Variants in ADGRL2 observed in about 807,000 individuals in gnomAD.
ADGRL2 encodes the protein calcium-independent alpha-latrotoxin receptor 2.
Under a neutral mutation model 157.4 loss-of-function variants are expected in ADGRL2, and 44 were observed. The ratio of observed to expected loss-of-function variants is 0.28; its 90% CI spans 0.22 to 0.36. The LOEUF (loss-of-function observed/expected upper bound fraction) is 0.36. ADGRL2 is among the 10% of genes least tolerant of loss of function. The pLI, the probability that ADGRL2 is intolerant of heterozygous loss-of-function variation, is 1.00. For synonymous variants in ADGRL2, 585 were observed against 624.7 expected (o/e 0.94, Z 0.95); for missense variants, 1,510 against 1,768.9 (o/e 0.85, Z 2.63).
Position 81,723,792 on chromosome 1 carries a change from G to C in ADGRL2, c.-143+23984G>C, listed in dbSNP as rs114486033. Among the ~76,000 whole-genome samples the C allele has an allele frequency of 9.5e-3, 1,447 of 152,028 alleles. 25 individuals are homozygous for C. Among genetic ancestry groups the C allele is most frequent in the African/African-American group, 0.033 (1,378 of 41,420 alleles). On this transcript the variant is annotated intron_variant, in intron 1 of 20. Transcript: ENST00000359929. ...TTTATATAACATGCATCTTTGGGCA[G>C]GTTTGCCCTTAAATCTCACCCTGTG...
intron 2 of ADGRL2, among the ~76,000 whole-genome samples, chr1:81,845,876 CTCTT>C (rs2092768906): frequency 6.6e-6 from 1 of 151,702 alleles, no homozygotes; most frequent in African/African-American, 2.4e-5. Context: ...CATTATTGCA[CTCTT>C]TCTTCTTCTT....
chr1:81,988,953 C>CT (rs920419459), intron 23 of ADGRL2, among the ~76,000 whole-genome samples: 9 of 150,204 alleles, frequency 6.0e-5, no homozygotes, highest in African/African-American at 2.0e-4. Context: ...TCATTTCATT[C>CT]TTTTTTTTTA....
At chr1:81,980,869 A>C in intron 18 of ADGRL2, 2 of 650,280 alleles carry the variant, frequency 3.1e-6, no homozygotes, top group Admixed American at 2.1e-5. Flanking sequence ...TAACAAATTT[A>C]TGGCATGATT....
At position 81,718,239 on chromosome 1, in the gene ADGRL2, C is replaced by T. The variant is rs941967952; in HGVS notation, c.-143+18431C>T. ...TTCACCATGTTGGCCAGGATGGTCT[C>T]GATCTCTTGACCTCATGATCTGCCT... On this transcript the variant is annotated intron_variant, in intron 1 of 20. Coordinates refer to the ADGRL2 transcript ENST00000359929. 2.2e-4 allele frequency among the ~76,000 whole-genome samples: 33 copies of T among 152,146 alleles called. 1 individual carries two copies. Among genetic ancestry groups the T allele is most frequent in the African/African-American group, 7.2e-4 (30 of 41,434 alleles).
At chr1:81,663,350 A>G (rs1268032572) in intron 3 of ADGRL2, among the ~76,000 whole-genome samples, 1 of 151,482 alleles carries the variant, frequency 6.6e-6, no homozygotes, top group Non-Finnish European at 1.5e-5. Flanking sequence ...TCCATCCCTC[A>G]CCTCCCACCT....
chr1:81,723,130 A>T (rs1370548193), intron 1 of ADGRL2: 1 of 649,710 alleles, frequency 1.5e-6, no homozygotes, highest in Non-Finnish European at 2.8e-6. Context: ...TACCTTATGG[A>T]TGTCGCAATA....
Position 81,990,408 on chromosome 1 carries a change from G to A in ADGRL2, c.3673G>A (p.Ala1225Thr). The A allele has an allele frequency of 6.2e-7, 1 of 1,613,622 alleles. No homozygotes were observed. Among genetic ancestry groups the A allele is most frequent in the Non-Finnish European group, 8.5e-7 (1 of 1,179,690 alleles). Residue 1225 changes from alanine (A) to threonine (T), a missense_variant, in exon 24 of 24, where the codon GCC becomes ACC. By Grantham distance (58) the Ala-to-Thr change is moderately conservative. This residue lies in a region of ADGRL2 where 327 missense variants were observed against 310.1 expected (regional missense o/e 1.05). Transcript: ENST00000686636. ...TGTTTCAGGACATTCACTGAACAAT[G>A]CCAGGGATACAAGTGCCATGGATAC... The part of the protein sequence containing the change: ...YRETRHSLNN[A>T]RDTSAMDTLP...
At chr1:81,462,536 C>T (rs2077959821) in intron 2 of ADGRL2, among the ~76,000 whole-genome samples, 1 of 152,058 alleles carries the variant, frequency 6.6e-6, no homozygotes, top group African/African-American at 2.4e-5. Flanking sequence ...ATGGCAGATT[C>T]TGGTGATTAA....
At chr1:81,369,121 G>T (rs914685661) in intron 1 of ADGRL2, among the ~76,000 whole-genome samples, 7 of 152,088 alleles carry the variant, frequency 4.6e-5, no homozygotes, top group Non-Finnish European at 1.0e-4. Flanking sequence ...TTGTAGGGAT[G>T]CATGTGGGTG....
intron 2 of ADGRL2, among the ~76,000 whole-genome samples, chr1:81,841,782 C>CT (rs1447572455): frequency 6.6e-6 from 1 of 152,098 alleles, no homozygotes; most frequent in South Asian, 2.1e-4. Flanking sequence ...CAATGCCTGG[C>CT]TTATACTAAG....
chr1:81,886,743 T>A (rs2094137271), intron 2 of ADGRL2, among the ~76,000 whole-genome samples: 1 of 152,218 alleles, frequency 6.6e-6, no homozygotes, highest in Non-Finnish European at 1.5e-5. Flanking sequence ...CAAATAAAAA[T>A]AATTTTAAAC....
intron 1 of ADGRL2, among the ~76,000 whole-genome samples, chr1:81,344,087 T>C (rs761845614): frequency 2.6e-5 from 4 of 152,208 alleles, no homozygotes; most frequent in Non-Finnish European, 4.4e-5. Context: ...TTTTTCTTTT[T>C]GAGACAGAGT....
intron 3 of ADGRL2, among the ~76,000 whole-genome samples, chr1:81,628,800 G>T (rs961236779): frequency 6.6e-6 from 1 of 152,032 alleles, no homozygotes; most frequent in Non-Finnish European, 1.5e-5. Context: ...TCAAATCAGA[G>T]AATGAATTTT....
chr1:81,336,153 T>C (rs1661629601), intron 1 of ADGRL2, among the ~76,000 whole-genome samples: 1 of 152,200 alleles, frequency 6.6e-6, no homozygotes, highest in South Asian at 2.1e-4. Flanking sequence ...TCTCCTCTAC[T>C]ATGCCAGCCT....
At position 81,912,116 on chromosome 1, in the gene ADGRL2, C is replaced by T. The variant is rs573368079; in HGVS notation, c.287+4886C>T. The stretch of plus-strand genomic sequence containing the variant: ...AGATAGGGTCTCACTCCCTTGCCCA[C>T]GCTGGAGTGCAGTGGCATGATCTCT... On this transcript the variant is annotated intron_variant, in intron 3 of 23. Transcript: ENST00000686636. Among the ~76,000 whole-genome samples the T allele has an allele frequency of 1.6e-4, 24 of 151,642 alleles. No individual in the cohort carries two copies. In the East Asian group the frequency reaches 4.3e-3, roughly 27 times the overall value.
intron 1 of ADGRL2, among the ~76,000 whole-genome samples, chr1:81,390,370 C>T (rs113185965): frequency 6.0e-4 from 91 of 152,396 alleles, no homozygotes; most frequent in African/African-American, 1.2e-3. Context: ...AGAATAACTG[C>T]AAATGGTCTG....
At chr1:81,394,409 A>C (rs766418596) in intron 1 of ADGRL2, among the ~76,000 whole-genome samples, 1 of 151,814 alleles carries the variant, frequency 6.6e-6, no homozygotes, top group Non-Finnish European at 1.5e-5. Flanking sequence ...TTCTATCTTT[A>C]CTTCCGTGAG....
intron 1 of ADGRL2, among the ~76,000 whole-genome samples, chr1:81,725,272 G>T (rs2084482785): frequency 6.6e-6 from 1 of 151,310 alleles, no homozygotes; most frequent in Admixed American, 6.6e-5. Flanking sequence ...AGGCACGGTG[G>T]CTCTTACTTG....
At chr1:81,907,940 T>C (rs544827362) in intron 3 of ADGRL2, among the ~76,000 whole-genome samples, 1 of 152,330 alleles carries the variant, frequency 6.6e-6, no homozygotes, top group African/African-American at 2.4e-5. Flanking sequence ...ATGAACTGCG[T>C]GTACCATGGT....
Sources: gnomAD v4.1 joint callset for allele counts (sites outside exome capture counted in the v4.1 genomes callset) on GRCh38, gnomAD v4.1.1 for gene constraint, gnomAD v4.1.1 regional missense constraint, MANE v1.5 for transcripts, NCBI Gene and HGNC (gene_info 2026-07-23, HGNC 2026-07-21) for gene names.